The following LPAR1 variants were observed in gnomAD, a reference collection of about 807,000 sequenced individuals.
The protein encoded by LPAR1 is lysophosphatidic acid receptor 1, also known as LPA receptor 1.
Under a neutral mutation model 23.8 loss-of-function variants are expected in LPAR1, and 5 were observed. That is an observed-to-expected ratio of 0.21 (90% CI 0.11 to 0.44). The LOEUF is 0.44. Ranked by LOEUF, LPAR1 falls within the 20% of genes least tolerant of loss-of-function variation. The probability of loss-of-function intolerance (pLI) is 0.99; values close to 1 mark genes in which losing one functional copy is unlikely to be tolerated. For synonymous variants in LPAR1, 160 were observed against 164.7 expected (o/e 0.97, Z 0.22); for missense variants, 311 against 482.8 (o/e 0.64, Z 3.33).
chr9:110,935,062 TAAG>T (rs1564093984), intron 5 of LPAR1, among the ~76,000 whole-genome samples: 1 of 152,192 alleles, frequency 6.6e-6, no homozygotes, highest in South Asian at 2.1e-4. Flanking sequence ...CAATTGGTTA[TAAG>T]AAGACCTATT....
At chr9:110,968,963 C>T (rs2096316350) in intron 4 of LPAR1, among the ~76,000 whole-genome samples, 1 of 152,146 alleles carries the variant, frequency 6.6e-6, no homozygotes, top group African/African-American at 2.4e-5. Flanking sequence ...ACCTTCCCCT[C>T]AGGCTCAGGT....
At chr9:111,012,816 G>T (rs1236298649) in intron 2 of LPAR1, among the ~76,000 whole-genome samples, 2 of 152,068 alleles carry the variant, frequency 1.3e-5, no homozygotes, top group Non-Finnish European at 2.9e-5. Flanking sequence ...AGAGGAAAAG[G>T]CAAGGAAAGA....
At chr9:110,978,794 C>T (rs1402692996) in intron 2 of LPAR1, among the ~76,000 whole-genome samples, 2 of 152,066 alleles carry the variant, frequency 1.3e-5, no homozygotes, top group East Asian at 1.9e-4. Context: ...ATAGTAACAT[C>T]GAGAAGAATA....
At chr9:110,878,561 T>C (rs1314628217) in intron 5 of LPAR1, among the ~76,000 whole-genome samples, 1 of 152,176 alleles carries the variant, frequency 6.6e-6, no homozygotes, top group African/African-American at 2.4e-5. Flanking sequence ...CATCAACATG[T>C]AATCTACAGA....
chr9:110,935,244 A>T (rs945712938), intron 5 of LPAR1, among the ~76,000 whole-genome samples: 1 of 152,130 alleles, frequency 6.6e-6, no homozygotes, highest in African/African-American at 2.4e-5. Context: ...CCTTAGTGGA[A>T]GTCAGGAAAC....
At chr9:110,980,586 G>A (rs1381021693) in intron 2 of LPAR1, among the ~76,000 whole-genome samples, 3 of 151,744 alleles carry the variant, frequency 2.0e-5, no homozygotes, top group Non-Finnish European at 4.4e-5. Flanking sequence ...TCCCACAGAA[G>A]TAGAGAGTAG....
chr9:111,019,779 A>T (rs1381290134), intron 2 of LPAR1, among the ~76,000 whole-genome samples: 1 of 152,182 alleles, frequency 6.6e-6, no homozygotes, highest in Non-Finnish European at 1.5e-5. Context: ...TGGGAGGTGG[A>T]GATTGCAGTG....
intron 5 of LPAR1, among the ~76,000 whole-genome samples, chr9:110,912,915 G>C (rs952817915): frequency 1.3e-5 from 2 of 152,134 alleles, no homozygotes; most frequent in Non-Finnish European, 2.9e-5. Flanking sequence ...CAGAGCAACT[G>C]GTCAAACCTG....
intron 4 of LPAR1, among the ~76,000 whole-genome samples, chr9:110,955,632 G>C (rs1281134642): frequency 6.6e-6 from 1 of 151,594 alleles, no homozygotes; most frequent in Non-Finnish European, 1.5e-5. Flanking sequence ...ATCAGCACAT[G>C]GAACAGTTCC....
intron 5 of LPAR1, among the ~76,000 whole-genome samples, chr9:110,904,312 C>T (rs2090459999): frequency 6.6e-6 from 1 of 152,046 alleles, no homozygotes; most frequent in South Asian, 2.1e-4. Flanking sequence ...ATTATAACAC[C>T]ATCTGATACT....
chr9:110,976,112 A>G (rs1158738781), intron 2 of LPAR1, among the ~76,000 whole-genome samples: 1 of 152,146 alleles, frequency 6.6e-6, no homozygotes, highest in Non-Finnish European at 1.5e-5. Context: ...TATCTAGCTG[A>G]GTAAGCTGGC....
rs71371700 is a variant in LPAR1, at chr9:111,005,151, C to CAA, written c.-182+30969_-182+30970dup. On this transcript the variant is annotated intron_variant, in intron 2 of 5. Coordinates refer to ENST00000683809, the MANE Select transcript of LPAR1 (RefSeq NM_001351411.2). ...TACTCTAGCCTGGGTGACAAAGTCTCAAAAAAAAAAAAAAAAAAAAAAAAG... is the reference window on the plus strand; with the variant it reads ...TACTCTAGCCTGGGTGACAAAGTCTCAAAAAAAAAAAAAAAAAAAAAAAAAAG... 1.3e-3 allele frequency among the ~76,000 whole-genome samples: 99 copies of CAA among 74,050 alleles called. 1 individual carries two copies. Among genetic ancestry groups the CAA allele is most frequent in the African/African-American group, 3.1e-3 (58 of 18,688 alleles). 48.6% of individuals were successfully genotyped at this position (74,050 alleles called of 152,430 possible). A position where few individuals can be genotyped will look rare whatever the true frequency, so the allele number is the denominator to read the frequency against.
At chr9:110,896,962 T>C (rs1349462799) in intron 5 of LPAR1, among the ~76,000 whole-genome samples, 1 of 152,018 alleles carries the variant, frequency 6.6e-6, no homozygotes, top group Non-Finnish European at 1.5e-5. Flanking sequence ...TAATTTTTTG[T>C]ATTTTTAGTA....
intron 5 of LPAR1, among the ~76,000 whole-genome samples, chr9:110,889,282 C>T (rs1183254082): frequency 6.6e-6 from 1 of 151,952 alleles, no homozygotes; most frequent in African/African-American, 2.4e-5. Context: ...GGTGTGAAGC[C>T]GGGAGGCGGA....
chr9:111,032,891 G>A (rs930331539), intron 2 of LPAR1, among the ~76,000 whole-genome samples: 4 of 152,092 alleles, frequency 2.6e-5, no homozygotes, highest in Admixed American at 1.3e-4. Flanking sequence ...CCCATGGCCA[G>A]GTATTATTAG....
Position 110,892,868 on chromosome 9 carries a change from T to G in LPAR1, c.794-17146A>C, listed in dbSNP as rs6477793. Reference sequence around the variant, plus strand: ...AGGCAGGCAGGCAGGCAGGCAGGCATGCAGGCAGGCAGGCTCAAAAACACT... The same window carrying G: ...AGGCAGGCAGGCAGGCAGGCAGGCAGGCAGGCAGGCAGGCTCAAAAACACT... On this transcript the variant is annotated intron_variant, in intron 5 of 5. Coordinates refer to ENST00000683809, the MANE Select transcript of LPAR1 (RefSeq NM_001351411.2). Among the ~76,000 whole-genome samples the G allele has an allele frequency of 7.1e-3, 745 of 104,472 alleles. 21 individuals carry two copies. Among genetic ancestry groups the G allele is most frequent in the African/African-American group, 0.024 (566 of 23,124 alleles). 68.5% of individuals were successfully genotyped at this position (104,472 alleles called of 152,430 possible).
chr9:110,956,405 T>A (rs2095753117), intron 4 of LPAR1, among the ~76,000 whole-genome samples: 1 of 151,704 alleles, frequency 6.6e-6, no homozygotes, highest in South Asian at 2.1e-4. Flanking sequence ...ATAAAAATAC[T>A]ATGTGTAGTA....
intron 2 of LPAR1, among the ~76,000 whole-genome samples, chr9:111,029,142 C>A (rs545086768): frequency 6.6e-6 from 1 of 152,220 alleles, no homozygotes; most frequent in Admixed American, 6.5e-5. Context: ...ATATATCAAT[C>A]TTTTCACTCT....
At chr9:110,983,599 C>T (rs1375926734) in intron 2 of LPAR1, among the ~76,000 whole-genome samples, 6 of 151,954 alleles carry the variant, frequency 3.9e-5, no homozygotes, top group Admixed American at 2.6e-4. Flanking sequence ...ATATACTTAA[C>T]ACTACTGAAC....
Sources: allele counts gnomAD v4.1 joint callset (sites outside exome capture counted in the v4.1 genomes callset), GRCh38; gene constraint gnomAD v4.1.1; transcripts MANE v1.5; gene names NCBI Gene and HGNC (gene_info 2026-07-23, HGNC 2026-07-21).